TRPC5OS: variants seen among roughly 807,000 people sequenced by gnomAD.
The protein encoded by TRPC5OS is TRPC5 opposite strand, also known as putative uncharacterized protein TRPC5OS.
For synonymous variants in TRPC5OS, 30 were observed against 29.3 expected, an observed-to-expected ratio of 1.02 and a Z score of -0.08; for missense variants, 64 against 79.3, an observed-to-expected ratio of 0.81 and a Z score of 0.73.
At chrX:111,896,349 C>A (rs969953538) in intron 2 of TRPC5OS, 58 bp from the exon 3 acceptor site, 1 of 105,918 alleles carries the variant, frequency 9.4e-6, no homozygotes, top group Non-Finnish European at 1.9e-5. Context: ...CTATCGATTT[C>A]GCAATTTATC....
intron 1 of TRPC5OS, among the ~76,000 whole-genome samples, chrX:111,881,573 C>T (rs1264583162): frequency 9.0e-6 from 1 of 111,172 alleles, no homozygotes; most frequent in Non-Finnish European, 1.9e-5. Flanking sequence ...AAAATATACT[C>T]CCAGGTGGAG....
At chrX:111,893,167 A>C (rs948639594) in intron 1 of TRPC5OS, among the ~76,000 whole-genome samples, 1 of 109,958 alleles carries the variant, frequency 9.1e-6, no homozygotes, top group Admixed American at 9.7e-5. Flanking sequence ...ATACAAACAA[A>C]CAACCACAAC....
chrX:111,886,882 A>T (rs1371550557), intron 1 of TRPC5OS, among the ~76,000 whole-genome samples: 1 of 112,850 alleles, frequency 8.9e-6, no homozygotes, highest in Non-Finnish European at 1.9e-5. Flanking sequence ...TATCCTGAGG[A>T]CAAAATAGTT....
rs373240604 is a variant in TRPC5OS at position 111,881,649 on chromosome X, T to C, written c.-546+5376T>C. Reference sequence around the variant, plus strand: ...AATTCAGGGTTTGCTTGCTGTTTTATACTATAAATACATCTGGTTGCAAAG... The same window carrying C: ...AATTCAGGGTTTGCTTGCTGTTTTACACTATAAATACATCTGGTTGCAAAG... On this transcript the variant is annotated intron_variant, in intron 1 of 3. Coordinates refer to ENST00000635763, the MANE Select transcript of TRPC5OS (RefSeq NM_001195578.2). 1.3e-4 allele frequency among the ~76,000 whole-genome samples: 15 copies of C among 111,256 alleles called. No homozygotes were observed. The South Asian group carries it at 5.4e-3, about 40-fold the overall frequency.
intron 1 of TRPC5OS, among the ~76,000 whole-genome samples, chrX:111,894,853 G>T (rs1158621038): frequency 9.0e-6 from 1 of 111,583 alleles, no homozygotes; most frequent in Non-Finnish European, 1.9e-5. Context: ...CAGCACCCCA[G>T]AAGGCTTCCT....
intron 1 of TRPC5OS, among the ~76,000 whole-genome samples, chrX:111,888,266 C>T (rs746326112): frequency 9.0e-6 from 1 of 110,612 alleles, no homozygotes; most frequent in Admixed American, 9.7e-5. Flanking sequence ...GCCATATAAA[C>T]CACTATAAGG....
Position 111,888,510 on chromosome X carries a change from C to CA in TRPC5OS, c.-545-7427dup, listed in dbSNP as rs200585074. On this transcript the variant is annotated intron_variant, in intron 1 of 3. Coordinates refer to ENST00000635763, the MANE Select transcript of TRPC5OS (RefSeq NM_001195578.2). ...CAACATGGTGAAACCCCGTCTCTAC[C>CA]AAAAAAAAAAAAAAGAAAGAAAAGA... 2.0e-3 allele frequency among the ~76,000 whole-genome samples: 129 copies of CA among 65,257 alleles called. 1 individual carries two copies. In the East Asian group the frequency reaches 0.033, roughly 17 times the overall value. The allele number at this position is 65,257 out of a possible 115,157, so 56.7% of individuals were successfully genotyped here. A position where few individuals can be genotyped will look rare whatever the true frequency, so the allele number is the denominator to read the frequency against.
intron 3 of TRPC5OS, among the ~76,000 whole-genome samples, chrX:111,900,903 A>C (rs182346204): frequency 8.9e-6 from 1 of 111,814 alleles, no homozygotes; most frequent in Non-Finnish European, 1.9e-5. Flanking sequence ...TTTCAAACAA[A>C]TAATATTGCC....
chrX:111,882,202 T>C (rs760465006), intron 1 of TRPC5OS, among the ~76,000 whole-genome samples: 6 of 111,281 alleles, frequency 5.4e-5, no homozygotes, highest in Non-Finnish European at 1.1e-4. Context: ...GAAATAAAAA[T>C]ATAATTCTGG....
chrX:111,880,452 A>G (rs974784036), intron 1 of TRPC5OS, among the ~76,000 whole-genome samples: 1 of 112,659 alleles, frequency 8.9e-6, no homozygotes, highest in African/African-American at 3.2e-5. Flanking sequence ...TACATCCCAC[A>G]GCCACAGGCC....
chrX:111,902,310 A>G lies in TRPC5OS; in HGVS notation c.*125A>G, dbSNP rs1456740790. 4.8e-6 allele frequency: 2 copies of G among 416,101 alleles called. No individual in the cohort carries two copies. The highest frequency in any genetic ancestry group is 7.7e-6 in the Non-Finnish European group (2 of 258,343). The allele number at this position is 416,101 out of a possible 1,213,427, so 34.3% of individuals were successfully genotyped here. A position where few individuals can be genotyped will look rare whatever the true frequency, so the allele number is the denominator to read the frequency against. On this transcript the variant is annotated 3_prime_UTR_variant, in exon 4 of 4. Coordinates refer to ENST00000635763, the MANE Select transcript of TRPC5OS (RefSeq NM_001195578.2). ...ATAGTTCTGCACATTTTCATTACTA[A>G]TAACCCATATAACAAGTGAGATTTG...
At chrX:111,876,619 C>A (rs181846862) in intron 1 of TRPC5OS, among the ~76,000 whole-genome samples, 6 of 111,531 alleles carry the variant, frequency 5.4e-5, no homozygotes, top group East Asian at 5.6e-4. Context: ...CCAGTGAATT[C>A]TCTCTCAAGT....
At chrX:111,898,850 A>T (rs1603086506) in intron 3 of TRPC5OS, among the ~76,000 whole-genome samples, 1 of 110,207 alleles carries the variant, frequency 9.1e-6, no homozygotes, top group East Asian at 2.9e-4. Flanking sequence ...TATCAGAATG[A>T]CACGAAATCA....
intron 1 of TRPC5OS, among the ~76,000 whole-genome samples, chrX:111,881,141 CTTTTG>C (rs1337712533): frequency 1.0e-5 from 1 of 97,189 alleles, no homozygotes; most frequent in Non-Finnish European, 1.9e-5. Context: ...TTGTGATTTT[CTTTTG>C]TTTATTTTAT....
At chrX:111,893,346 C>T (rs1420238436) in intron 1 of TRPC5OS, among the ~76,000 whole-genome samples, 6 of 111,520 alleles carry the variant, frequency 5.4e-5, no homozygotes, top group African/African-American at 2.0e-4. Flanking sequence ...TCCAGACTCT[C>T]TAAGGGCCTG....
intron 3 of TRPC5OS, among the ~76,000 whole-genome samples, 182 bp from the exon 4 acceptor site, chrX:111,901,358 G>A (rs1040185748): frequency 3.6e-5 from 4 of 111,526 alleles, no homozygotes; most frequent in East Asian, 2.8e-4. Context: ...AGACCATGAG[G>A]TTTTCAAAGG....
intron 1 of TRPC5OS, among the ~76,000 whole-genome samples, chrX:111,892,829 C>G (rs1382821535): frequency 1.8e-5 from 2 of 111,678 alleles, no homozygotes; most frequent in African/African-American, 6.5e-5. Flanking sequence ...CTTCCATGGG[C>G]AGCTATTCAC....
Position 111,902,830 on chromosome X carries a change from T to A in TRPC5OS, c.*645T>A, listed in dbSNP as rs1004379471. On this transcript the variant is annotated 3_prime_UTR_variant, in exon 4 of 4. Transcript: ENST00000635763. Reference sequence around the variant, plus strand: ...AAAAAGCTGGGACCAAGAGTTCCAGTGCAGGACTGTTCTTGCAAATTCTGA... The same window carrying A: ...AAAAAGCTGGGACCAAGAGTTCCAGAGCAGGACTGTTCTTGCAAATTCTGA... 2.7e-5 allele frequency: 3 copies of A among 112,080 alleles called. No homozygotes were observed. Among genetic ancestry groups the A allele is most frequent in the African/African-American group, 9.7e-5 (3 of 30,912 alleles). The allele number at this position is 112,080 out of a possible 1,213,427, so 9.2% of individuals were successfully genotyped here.
intron 3 of TRPC5OS, among the ~76,000 whole-genome samples, chrX:111,897,634 C>A (rs1160527463): frequency 9.0e-6 from 1 of 111,619 alleles, no homozygotes; most frequent in Admixed American, 9.5e-5. Context: ...AATCATACAG[C>A]ATATAATCTT....
Sources: gnomAD v4.1 joint callset for allele counts (sites outside exome capture counted in the v4.1 genomes callset) on GRCh38, gnomAD v4.1.1 for gene constraint, MANE v1.5 for transcripts, NCBI Gene and HGNC (gene_info 2026-07-23, HGNC 2026-07-21) for gene names.